The following TBC1D9 variants were observed in gnomAD, a reference collection of about 807,000 sequenced individuals.
The protein encoded by TBC1D9 is TBC1 domain family member 9A.
Under a neutral mutation model 132.0 loss-of-function variants are expected in TBC1D9, and 63 were observed. That is an observed-to-expected ratio of 0.48 (90% CI 0.39 to 0.59). The LOEUF (loss-of-function observed/expected upper bound fraction) is 0.59. Ranked by LOEUF, TBC1D9 falls within the 20% of genes least tolerant of loss-of-function variation. TBC1D9 has a pLI of 0.00. For missense variants in TBC1D9, 1,261 were observed against 1,592.7 expected (o/e 0.79, Z 3.54); for synonymous variants, 610 against 609.9 (o/e 1.00, Z 0.00).
chr4:140,627,366 A>G, intron 18 of TBC1D9, 75 bp downstream of exon 18: 1 of 905,832 alleles, frequency 1.1e-6, no homozygotes, highest in Non-Finnish European at 1.8e-6. Flanking sequence ...CTAGCTTTGG[A>G]GGCAAGTCTT....
intron 1 of TBC1D9, among the ~76,000 whole-genome samples, chr4:140,749,584 A>G (rs375857127): frequency 7.9e-5 from 12 of 152,284 alleles, no homozygotes; most frequent in African/African-American, 2.2e-4. Context: ...GCACTTTGAG[A>G]GGCCAAGGTA....
intron 1 of TBC1D9, among the ~76,000 whole-genome samples, chr4:140,747,003 T>A (rs1738846444): frequency 6.6e-6 from 1 of 151,382 alleles, no homozygotes. Flanking sequence ...CCCATCTCTA[T>A]TAAATAAAAA....
rs188595324 is a variant in TBC1D9 at position 140,706,976 on chromosome 4, C to T, written c.131-5362G>A. On this transcript the variant is annotated intron_variant, in intron 1 of 20. Coordinates refer to ENST00000442267, the MANE Select transcript of TBC1D9 (RefSeq NM_015130.3). This position sits in a 1 kb window ranked among gnomAD's most constrained non-coding sequence, Gnocchi z 4.0. ...TCTGTTTGCATAAATCCTTAAGCAC[C>T]TAAGCACATTTCTTTAGAATGGAAT... 6.6e-6 allele frequency among the ~76,000 whole-genome samples: 1 copy of T among 152,224 alleles called. No homozygotes were observed. The highest frequency in any genetic ancestry group is 1.9e-4 in the East Asian group (1 of 5,182).
At chr4:140,736,118 T>C (rs923908992) in intron 1 of TBC1D9, among the ~76,000 whole-genome samples, 4 of 151,884 alleles carry the variant, frequency 2.6e-5, no homozygotes, top group Middle Eastern at 3.2e-3. Context: ...CCCTAGAATA[T>C]ACCATGAAGC....
chr4:140,663,048 C>A (rs946093799), intron 9 of TBC1D9, among the ~76,000 whole-genome samples: 3 of 152,080 alleles, frequency 2.0e-5, no homozygotes, highest in African/African-American at 7.2e-5. Flanking sequence ...AAGCAAAAAT[C>A]AGACAAGTGG....
rs1737017152 is a variant in TBC1D9 at position 140,642,388 on chromosome 4, A to G, written c.2338-2960T>C. ...TTACCTTCTCTGGAAGATTTCAGAG[A>G]CAGGCCGGAGGCCCTTGGCCAGCAC... On this transcript the variant is annotated intron_variant, in intron 13 of 20. Coordinates refer to ENST00000442267, the MANE Select transcript of TBC1D9 (RefSeq NM_015130.3). 7.1e-6 allele frequency: 6 copies of G among 841,838 alleles called. No homozygotes were observed. In the Admixed American group the frequency reaches 8.1e-5, roughly 11 times the overall value. 52.1% of individuals were successfully genotyped at this position (841,838 alleles called of 1,614,324 possible). A position where few individuals can be genotyped will look rare whatever the true frequency, so the allele number is the denominator to read the frequency against.
At chr4:140,625,503 TG>T (rs1736691682) in intron 18 of TBC1D9, among the ~76,000 whole-genome samples, 1 of 152,212 alleles carries the variant, frequency 6.6e-6, no homozygotes, top group African/African-American at 2.4e-5. Context: ...CAAAGCTGGC[TG>T]GTCAGACAGA....
At chr4:140,645,312 G>A in intron 13 of TBC1D9, 1 of 504,046 alleles carries the variant, frequency 2.0e-6, no homozygotes. Context: ...TGGTCTGCCA[G>A]CCCAGGCCCC....
At chr4:140,672,647 T>C (rs542487915) in intron 6 of TBC1D9, among the ~76,000 whole-genome samples, 2 of 152,294 alleles carry the variant, frequency 1.3e-5, no homozygotes, top group South Asian at 2.1e-4. Context: ...ACATAAAACA[T>C]ATAAATGCTC....
intron 15 of TBC1D9, among the ~76,000 whole-genome samples, chr4:140,635,748 C>T (rs144380216): frequency 2.0e-5 from 3 of 152,124 alleles, no homozygotes; most frequent in East Asian, 1.9e-4. Context: ...TTTTGCAAGG[C>T]GACCTTGAGA....
chr4:140,659,559 G>T, intron 11 of TBC1D9, 29 bp downstream of exon 11: 5 of 1,469,672 alleles, frequency 3.4e-6, no homozygotes, highest in Non-Finnish European at 3.7e-6. Context: ...CGAGACATAG[G>T]TTGAAATGTT....
At chr4:140,647,779 G>A (rs1488514820) in intron 13 of TBC1D9, among the ~76,000 whole-genome samples, 1 of 152,196 alleles carries the variant, frequency 6.6e-6, no homozygotes, top group African/African-American at 2.4e-5. Flanking sequence ...ACAGAACACA[G>A]TGGCCCTTCC....
chr4:140,655,162 C>T (rs1044644342), intron 13 of TBC1D9, among the ~76,000 whole-genome samples: 3 of 151,916 alleles, frequency 2.0e-5, no homozygotes, highest in East Asian at 1.9e-4. Context: ...AAATGTAAAA[C>T]GCTTATAGGA....
chr4:140,714,215 A>G (rs1042043765), intron 1 of TBC1D9, among the ~76,000 whole-genome samples: 2 of 152,206 alleles, frequency 1.3e-5, no homozygotes, highest in African/African-American at 4.8e-5. Flanking sequence ...AAATATTTAA[A>G]GAGGTTTATT....
chr4:140,655,114 T>A (rs533912067), intron 13 of TBC1D9, among the ~76,000 whole-genome samples: 9 of 152,232 alleles, frequency 5.9e-5, no homozygotes, highest in Non-Finnish European at 1.0e-4. Flanking sequence ...GACTTTTTTT[T>A]AAAGTGTATG....
At chr4:140,687,734 T>C (rs2111026813) in intron 2 of TBC1D9, among the ~76,000 whole-genome samples, 1 of 152,174 alleles carries the variant, frequency 6.6e-6, no homozygotes, top group Non-Finnish European at 1.5e-5. Context: ...ATGTACTTTC[T>C]TTTACTTTGA....
chr4:140,716,307 T>A (rs1738333196), intron 1 of TBC1D9, among the ~76,000 whole-genome samples: 2 of 152,010 alleles, frequency 1.3e-5, no homozygotes, highest in African/African-American at 4.8e-5. Flanking sequence ...GGCAACACAG[T>A]GAGACTCCTA....
chr4:140,655,387 A>T (rs950738115), intron 13 of TBC1D9, among the ~76,000 whole-genome samples: 4 of 152,138 alleles, frequency 2.6e-5, no homozygotes, highest in Admixed American at 2.6e-4. Context: ...AAAAGCACTA[A>T]ATTTTTTACT....
rs373628806 is a variant in TBC1D9, at chr4:140,659,558, G to A, written c.1921+30C>T. 14 of 1,462,716 alleles carry A rather than the reference G, an allele frequency of 9.6e-6. No individual in the cohort carries two copies. The African/African-American group carries it at 2.0e-4, about 20-fold the overall frequency. 90.6% of individuals were successfully genotyped at this position (1,462,716 alleles called of 1,614,324 possible). A position where few individuals can be genotyped will look rare whatever the true frequency, so the allele number is the denominator to read the frequency against. ...AAAAGCATCTTCTTGACGAGACATA[G>A]GTTGAAATGTTAAATGCATCTCCAC... On this transcript the variant is annotated intron_variant, in intron 11 of 20. Transcript: ENST00000442267.
Sources: gnomAD v4.1 joint callset for allele counts (sites outside exome capture counted in the v4.1 genomes callset) on GRCh38, gnomAD v4.1.1 for gene constraint, Gnocchi (gnomAD v3.1) non-coding constraint, MANE v1.5 for transcripts, NCBI Gene and HGNC (gene_info 2026-07-23, HGNC 2026-07-21) for gene names.